The following USP39 variants were observed in gnomAD, a reference collection of about 807,000 sequenced individuals.
USP39 encodes ubiquitin specific peptidase 39, also known as ubiquitin carboxyl-terminal hydrolase 39.
USP39 carries 38 observed loss-of-function variants against 66.4 expected under a neutral mutation model. That is an observed-to-expected ratio of 0.57 (90% CI 0.44 to 0.75). USP39 has a LOEUF of 0.75. Among genes scored for constraint, USP39 ranks in the 30% least tolerant of loss-of-function variants. The probability of loss-of-function intolerance (pLI) is 0.00; values close to 1 mark genes in which losing one functional copy is unlikely to be tolerated. For synonymous variants in USP39, 303 were observed against 274.6 expected (o/e 1.10, Z -1.02); for missense variants, 608 against 714.4 (o/e 0.85, Z 1.70).
chr2:85,615,791 G>A (rs889348584), upstream of USP39, among the ~76,000 whole-genome samples: 7 of 152,116 alleles, frequency 4.6e-5, no homozygotes, highest in African/African-American at 1.4e-4. Context: ...CCACAATGCC[G>A]GGCTAATTTT....
intron 1 of USP39, among the ~76,000 whole-genome samples, chr2:85,617,180 CT>C (rs1360089082): frequency 7.0e-6 from 1 of 143,044 alleles, no homozygotes; most frequent in Non-Finnish European, 1.5e-5. Context: ...TCTCGAACTC[CT>C]GGACTCAAGT....
chr2:85,611,639 C>G, upstream of USP39: 1 of 1,566,258 alleles, frequency 6.4e-7, no homozygotes, highest in Non-Finnish European at 8.7e-7. Context: ...AGCGCGCGGG[C>G]TGGAGGCAGG....
upstream of USP39, among the ~76,000 whole-genome samples, chr2:85,613,188 G>A (rs1033428334): frequency 2.0e-5 from 3 of 151,794 alleles, no homozygotes; most frequent in African/African-American, 7.3e-5. Flanking sequence ...GCGAGACATC[G>A]TCTCTACAAG....
At chr2:85,603,425 G>C (rs1359041552) in intron 1 of USP39, among the ~76,000 whole-genome samples, 1 of 152,116 alleles carries the variant, frequency 6.6e-6, no homozygotes, top group Non-Finnish European at 1.5e-5. Flanking sequence ...GAGTAGGTAA[G>C]GATTAACATG....
chr2:85,648,159 TG>T (rs1328343849), intron 12 of USP39, 143 bp downstream of exon 12: 1 of 732,274 alleles, frequency 1.4e-6, no homozygotes, highest in Non-Finnish European at 2.2e-6. Context: ...AGTAGTGAGT[TG>T]GGGGCAGAAT....
chr2:85,645,224 AGTTT>A (rs1268169129), intron 11 of USP39, 141 bp downstream of exon 11: 8 of 1,077,856 alleles, frequency 7.4e-6, no homozygotes, highest in African/African-American at 4.9e-5. Flanking sequence ...GTCAGTAGTT[AGTTT>A]AAGGCAGTGG....
At chr2:85,639,181 T>C (rs1212094789) in intron 8 of USP39, 22 bp from the exon 9 acceptor site, 2 of 1,605,356 alleles carry the variant, frequency 1.2e-6, no homozygotes, top group Non-Finnish European at 1.7e-6. Context: ...CTTTCCTCTC[T>C]TTTCTTCTCA....
chr2:85,642,140 A>G (rs954753081), intron 10 of USP39, among the ~76,000 whole-genome samples: 3 of 152,126 alleles, frequency 2.0e-5, no homozygotes, highest in African/African-American at 4.8e-5. Context: ...CAGGTGTAAC[A>G]TCTTATTATA....
chr2:85,611,838 C>G, upstream of USP39: 1 of 1,603,074 alleles, frequency 6.2e-7, no homozygotes, highest in Non-Finnish European at 8.5e-7. Context: ...CCAGGCCAGG[C>G]CAGGAGTGGT....
intron 3 of USP39, 28 bp from the exon 4 acceptor site, chr2:85,623,618 T>A: frequency 6.2e-7 from 1 of 1,604,772 alleles, no homozygotes; most frequent in East Asian, 2.3e-5. Context: ...TCTGCCCTTC[T>A]ATTACAGCTT....
At chr2:85,611,232 A>C (rs1673499400), upstream of USP39, 1 of 1,309,570 alleles carries the variant, frequency 7.6e-7, no homozygotes, top group South Asian at 1.9e-5. Flanking sequence ...TTTTAAAAAA[A>C]GTAATAATGC....
At chr2:85,642,051 T>G (rs1192790967) in intron 10 of USP39, among the ~76,000 whole-genome samples, 1 of 152,060 alleles carries the variant, frequency 6.6e-6, no homozygotes, top group Non-Finnish European at 1.5e-5. Context: ...ACCCATAGTT[T>G]GCGTGTTTTC....
chr2:85,612,032 C>A, upstream of USP39: 1 of 1,338,248 alleles, frequency 7.5e-7, no homozygotes, highest in Non-Finnish European at 9.9e-7. Context: ...GCCCCAACAA[C>A]AGCCACCCGC....
At chr2:85,605,217 A>C (rs1366033024) in intron 1 of USP39, among the ~76,000 whole-genome samples, 1 of 152,138 alleles carries the variant, frequency 6.6e-6, no homozygotes, top group African/African-American at 2.4e-5. Context: ...CACTTCCCCA[A>C]GTACACAAGT....
intron 2 of USP39, 126 bp downstream of exon 2, chr2:85,619,415 GCTT>G: frequency 1.1e-6 from 1 of 902,524 alleles, no homozygotes; most frequent in Non-Finnish European, 1.7e-6. Flanking sequence ...AGAGAGTTGT[GCTT>G]CTTGCCATGT....
intron 1 of USP39, among the ~76,000 whole-genome samples, chr2:85,603,622 C>T (rs1390208864): frequency 6.8e-5 from 10 of 146,896 alleles, no homozygotes; most frequent in Admixed American, 5.5e-4. Context: ...GACGGAGTCT[C>T]GCTCTGTCGC....
chr2:85,631,525 G>A (rs1250439203), intron 6 of USP39, among the ~76,000 whole-genome samples: 2 of 151,996 alleles, frequency 1.3e-5, no homozygotes, highest in Admixed American at 1.3e-4. Context: ...GGATAGTGTG[G>A]TTAGGTTCTT....
In USP39 at chr2:85,646,634, C is replaced by T. The variant is rs138331454; in HGVS notation, c.1564-1296C>T. 9.2e-5 allele frequency among the ~76,000 whole-genome samples: 14 copies of T among 152,284 alleles called. No individual in the cohort carries two copies. The South Asian group carries it at 1.9e-3, about 20-fold the overall frequency. On this transcript the variant is annotated intron_variant, in intron 11 of 12. Transcript: ENST00000323701. ...CCTATATTCTCAACTATTGTAATAT[C>T]CAGAGGATCTGGAATATTTATATTC...
At chr2:85,635,512 A>G (rs994010900) in intron 6 of USP39, among the ~76,000 whole-genome samples, 6 of 152,082 alleles carry the variant, frequency 3.9e-5, no homozygotes, top group African/African-American at 1.4e-4. Flanking sequence ...GTGAGCTGAG[A>G]TCATGCCACT....
Sources: allele counts gnomAD v4.1 joint callset (sites outside exome capture counted in the v4.1 genomes callset), GRCh38; gene constraint gnomAD v4.1.1; transcripts MANE v1.5; gene names NCBI Gene and HGNC (gene_info 2026-07-23, HGNC 2026-07-21).